Variants in MORN1 observed in about 807,000 individuals in gnomAD.
MORN1 encodes MORN repeat containing 1, also known as MORN repeat-containing protein 1.
MORN1 carries 67 observed loss-of-function variants against 61.9 expected under a neutral mutation model. The observed-to-expected ratio is 1.08, with a 90% CI of 0.89 to 1.33. The LOEUF (loss-of-function observed/expected upper bound fraction) is 1.33. Ranked by LOEUF, MORN1 falls within the 40% of genes most tolerant of loss-of-function variation. The probability of loss-of-function intolerance (pLI) is 0.00; values close to 1 mark genes in which losing one functional copy is unlikely to be tolerated. For missense variants in MORN1, 752 were observed against 691.2 expected (o/e 1.09, Z -0.99); for synonymous variants, 301 against 292.0 (o/e 1.03, Z -0.31).
intron 2 of MORN1, among the ~76,000 whole-genome samples, chr1:2,389,114 A>AG (rs1319909761): frequency 6.2e-5 from 3 of 48,780 alleles, no homozygotes; most frequent in Non-Finnish European, 1.8e-4. Flanking sequence ...CTCTGTCTCC[A>AG]AAAAAAAAAA....
chr1:2,321,748 C>G (rs112049961), intron 13 of MORN1, among the ~76,000 whole-genome samples, 169 bp from the exon 14 acceptor site: 1 of 152,102 alleles, frequency 6.6e-6, no homozygotes, highest in African/African-American at 2.4e-5. Context: ...GACTGGCCAC[C>G]GGACCGGTCC....
intron 8 of MORN1, among the ~76,000 whole-genome samples, chr1:2,364,490 T>C (rs186279076): frequency 7.6e-6 from 1 of 132,312 alleles, no homozygotes; most frequent in Non-Finnish European, 1.6e-5. Context: ...GTTGCAAAAA[T>C]TTTCTCCCAT....
At chr1:2,324,045 C>A (rs1640942677) in intron 13 of MORN1, 52 bp downstream of exon 13, 4 of 1,555,280 alleles carry the variant, frequency 2.6e-6, no homozygotes, top group East Asian at 2.4e-5. Flanking sequence ...TGCGGCCTCG[C>A]CTCTCCAGAC....
intron 10 of MORN1, among the ~76,000 whole-genome samples, chr1:2,347,351 C>T (rs1027471950): frequency 1.4e-4 from 21 of 152,172 alleles, no homozygotes; most frequent in African/African-American, 4.3e-4. Flanking sequence ...GCAGATGGCC[C>T]GTGTGTGTGC....
chr1:2,325,172 T>TCCCTCCCTTCCCTC (rs1569904746), intron 12 of MORN1, among the ~76,000 whole-genome samples: 1 of 13,674 alleles, frequency 7.3e-5, no homozygotes, highest in Admixed American at 1.1e-3. Flanking sequence ...TTCCTTCCTT[T>TCCCTCCCTTCCCTC]CCTTCCTTCC....
chr1:2,325,132 TTCCC>T (rs779634245), intron 12 of MORN1, among the ~76,000 whole-genome samples: 42 of 19,502 alleles, frequency 2.2e-3, no homozygotes, highest in African/African-American at 7.3e-3. Flanking sequence ...CCTTCCTTCC[TTCCC>T]TCCCTCCCTC....
intron 10 of MORN1, among the ~76,000 whole-genome samples, chr1:2,348,217 G>A (rs1042198852): frequency 3.3e-5 from 5 of 152,216 alleles, no homozygotes; most frequent in African/African-American, 7.2e-5. Context: ...AGGTTCCCCC[G>A]TGTGGCCGTG....
Position 2,372,304 on chromosome 1 carries a change from C to T in MORN1, c.745+177G>A. On this transcript the variant is annotated intron_variant, in intron 8 of 13. Transcript: ENST00000378531. The surrounding 1 kb of genome is among the most constrained non-coding windows in gnomAD (Gnocchi z 5.4). ...ATGCTTGCACACACACCCAAGGCTG[C>T]CCTGACTGGCAGGGAAGCTGGCACA... is the stretch of plus-strand genomic sequence containing the variant. 2 of 587,984 alleles carry T rather than the reference C, an allele frequency of 3.4e-6. No homozygotes were observed. The highest frequency in any genetic ancestry group is 2.9e-5 in the Admixed American group (1 of 34,028). 36.4% of individuals were successfully genotyped at this position (587,984 alleles called of 1,614,324 possible).
intron 10 of MORN1, chr1:2,355,392 C>T (rs188548455): frequency 7.7e-5 from 119 of 1,549,280 alleles, no homozygotes; most frequent in African/African-American, 1.6e-4. Context: ...TGATGAATGA[C>T]GCCTGCGCTT....
chr1:2,360,393 A>G (rs1434318767), intron 8 of MORN1, among the ~76,000 whole-genome samples: 1 of 152,228 alleles, frequency 6.6e-6, no homozygotes, highest in East Asian at 1.9e-4. Flanking sequence ...GATCCCGGAC[A>G]CCAGGCAACT....
Position 2,357,996 on chromosome 1 carries a change from G to T in MORN1, c.870-398C>A, listed in dbSNP as rs1641811506. 6.6e-6 allele frequency among the ~76,000 whole-genome samples: 1 copy of T among 152,186 alleles called. No homozygotes were observed. Among genetic ancestry groups the T allele is most frequent in the African/African-American group, 2.4e-5 (1 of 41,442 alleles). ...AGCTGTGGCGTCACACTCAGGTCTG[G>T]TCGCCTGGGGCACTGCTAAGTTCTG... is the stretch of plus-strand genomic sequence containing the variant. On this transcript the variant is annotated intron_variant, in intron 9 of 13. Coordinates refer to ENST00000378531, the MANE Select transcript of MORN1 (RefSeq NM_024848.3). This position sits in a 1 kb window ranked among gnomAD's most constrained non-coding sequence, Gnocchi z 6.3.
intron 10 of MORN1, among the ~76,000 whole-genome samples, chr1:2,341,664 C>T (rs1474036386): frequency 3.3e-5 from 5 of 151,058 alleles, no homozygotes; most frequent in African/African-American, 7.3e-5. Flanking sequence ...GCACTCCAGC[C>T]TGGCCACAGA....
At chr1:2,354,989 C>T (rs968587778) in intron 10 of MORN1, among the ~76,000 whole-genome samples, 5 of 152,220 alleles carry the variant, frequency 3.3e-5, no homozygotes, top group East Asian at 1.9e-4. Context: ...CTCACATCAT[C>T]GTCAAGCCAG....
rs1278785088 is a variant in MORN1 at position 2,333,009 on chromosome 1, AG to A, written c.1250+3459del. On this transcript the variant is annotated intron_variant, in intron 12 of 13. Transcript: ENST00000378531. ...CTGGCCAACCCCCACGGGTCCCCCA[AG>A]GGGCTTGCTCTGGAACTGGAGAGTG... Among the ~76,000 whole-genome samples the A allele has an allele frequency of 2.6e-5, 4 of 152,262 alleles. No individual in the cohort carries two copies. The South Asian group carries it at 6.2e-4, about 24-fold the overall frequency.
intron 8 of MORN1, among the ~76,000 whole-genome samples, chr1:2,359,882 C>CAAAA (rs59233224): frequency 7.3e-6 from 1 of 136,492 alleles, no homozygotes; most frequent in Non-Finnish European, 1.6e-5. Context: ...GACTCCGTCT[C>CAAAA]AAAAAAAAAA....
At position 2,374,446 on chromosome 1, in the gene MORN1, G is replaced by A. The variant is rs1440255156; in HGVS notation, c.634+15C>T. 1.3e-6 allele frequency: 2 copies of A among 1,568,328 alleles called. No homozygotes were observed. Among genetic ancestry groups the A allele is most frequent in the South Asian group, 1.2e-5 (1 of 85,118 alleles). ...GTGGACCTCACAGTGCCCACAGGAA[G>A]GCAGGGACACCTACCTGCTGGGTGG... On this transcript the variant is annotated intron_variant, in intron 7 of 13. Transcript: ENST00000378531.
chr1:2,337,030 C>T lies in MORN1; in HGVS notation c.1037-180G>A, dbSNP rs556542764. Among the ~76,000 whole-genome samples, 9 of 152,146 alleles carry T rather than the reference C, an allele frequency of 5.9e-5. No homozygotes were observed. The highest frequency in any genetic ancestry group is 4.1e-4 in the South Asian group (2 of 4,822). On this transcript the variant is annotated intron_variant, in intron 10 of 13. Coordinates refer to ENST00000378531, the MANE Select transcript of MORN1 (RefSeq NM_024848.3). This position sits in a 1 kb window ranked among gnomAD's most constrained non-coding sequence, Gnocchi z 5.7. ...GACTGTCCATCCTGGGTGCTCCCTC[C>T]GGCCGCCGACAGGGGAGGTGGGGGT...
intron 2 of MORN1, among the ~76,000 whole-genome samples, chr1:2,389,611 G>T (rs112792340): frequency 3.9e-4 from 60 of 152,350 alleles, no homozygotes; most frequent in African/African-American, 1.4e-3. Flanking sequence ...TTTACTACAA[G>T]AGTAGGTTCT....
intron 12 of MORN1, among the ~76,000 whole-genome samples, 182 bp downstream of exon 12, chr1:2,336,287 C>G (rs960075358): frequency 1.4e-4 from 21 of 152,348 alleles, no homozygotes; most frequent in African/African-American, 4.8e-4. Flanking sequence ...CGCAGGGCAG[C>G]TGTTAGCCCC....
Sources: allele counts gnomAD v4.1 joint callset (sites outside exome capture counted in the v4.1 genomes callset), GRCh38; gene constraint gnomAD v4.1.1; non-coding constraint Gnocchi (gnomAD v3.1); transcripts MANE v1.5; gene names NCBI Gene and HGNC (gene_info 2026-07-23, HGNC 2026-07-21).